Variants in NCKAP5 observed in about 807,000 individuals in gnomAD.
NCKAP5 encodes NCK associated protein 5, also known as nck-associated protein 5.
In NCKAP5, 92 loss-of-function variants were observed where a neutral mutation model predicts 167.0. That is an observed-to-expected ratio of 0.55 (90% CI 0.47 to 0.66). The LOEUF (loss-of-function observed/expected upper bound fraction) is 0.66, where lower values mean the gene tolerates loss of function less well. Ranked by LOEUF, NCKAP5 falls within the 30% of genes least tolerant of loss-of-function variation. The probability of loss-of-function intolerance (pLI) is 0.00; values close to 1 mark genes in which losing one functional copy is unlikely to be tolerated. For synonymous variants in NCKAP5, 891 were observed against 877.4 expected (o/e 1.02, Z -0.27); for missense variants, 2,378 against 2,315.0 (o/e 1.03, Z -0.56).
At chr2:133,156,985 C>A (rs2083599307) in intron 5 of NCKAP5, among the ~76,000 whole-genome samples, 1 of 152,074 alleles carries the variant, frequency 6.6e-6, no homozygotes, top group African/African-American at 2.4e-5. Context: ...TGAATATTTC[C>A]AACTCTGTAT....
rs139613155 is a variant in NCKAP5, at chr2:133,059,404, C to T, written c.342-65165G>A. 1.7e-3 allele frequency among the ~76,000 whole-genome samples: 253 copies of T among 150,440 alleles called. 1 individual carries two copies. Among genetic ancestry groups the T allele is most frequent in the African/African-American group, 5.9e-3 (242 of 40,982 alleles). On this transcript the variant is annotated intron_variant, in intron 6 of 19. Transcript: ENST00000409261. ...TTAAAGTATGTATGGTGGGCCATTACAGTGGCTCATTCCTGTGATCCCAGC... is the reference window on the plus strand; with the variant it reads ...TTAAAGTATGTATGGTGGGCCATTATAGTGGCTCATTCCTGTGATCCCAGC...
intron 6 of NCKAP5, among the ~76,000 whole-genome samples, chr2:133,105,068 C>T (rs1169408367): frequency 6.6e-6 from 1 of 152,226 alleles, no homozygotes; most frequent in Non-Finnish European, 1.5e-5. Flanking sequence ...TATGCAACTA[C>T]TCTGTTTCAC....
intron 4 of NCKAP5, among the ~76,000 whole-genome samples, chr2:133,216,610 T>C (rs973936580): frequency 1.3e-5 from 2 of 152,274 alleles, no homozygotes; most frequent in Non-Finnish European, 2.9e-5. Flanking sequence ...ATCATTTTAA[T>C]TATTAACTAA....
intron 3 of NCKAP5, chr2:133,431,614 C>T (rs561432144): frequency 6.6e-6 from 1 of 152,122 alleles, no homozygotes; most frequent in Non-Finnish European, 1.5e-5. Context: ...GATACTGAGG[C>T]ACAAAGAACC....
In NCKAP5 at chr2:132,784,365, G is replaced by C; in HGVS notation, c.2446C>G (p.Leu816Val). The part of the protein sequence containing the change: ...RGKSSPQKSK[L>V]MEPEATTLLP... ...AGTGTGGTGGCTTCGGGCTCCATTA[G>C]TTTTGATTTCTGAGGTGAAGACTTG... The change falls in exon 14 of 20, where the codon CTA becomes GTA. Residue 816 changes from leucine to valine, a missense_variant. By Grantham distance (32) the Leu-to-Val change is conservative. Transcript: ENST00000409261. 5.0e-6 allele frequency: 8 copies of C among 1,614,002 alleles called. No homozygotes were observed. The highest frequency in any genetic ancestry group is 6.8e-6 in the Non-Finnish European group (8 of 1,179,894).
At chr2:133,633,933 T>C in the NCKAP5 span, among the ~76,000 whole-genome samples, 2 of 152,204 alleles carry the variant, frequency 1.3e-5, no homozygotes, top group African/African-American at 4.8e-5. Context: ...TTGTGTAGTT[T>C]GGCACTCAGA....
At chr2:133,237,475 T>C (rs1166472809) in intron 4 of NCKAP5, among the ~76,000 whole-genome samples, 2 of 152,220 alleles carry the variant, frequency 1.3e-5, no homozygotes, top group African/African-American at 4.8e-5. Flanking sequence ...AAAGCACCCA[T>C]TTACATATGA....
chr2:132,947,328 T>C (rs946985200), intron 8 of NCKAP5, among the ~76,000 whole-genome samples: 2 of 152,188 alleles, frequency 1.3e-5, no homozygotes, highest in East Asian at 3.8e-4. Flanking sequence ...ATAGCTGATT[T>C]AAAAATAAGA....
At chr2:133,639,980 C>T in the NCKAP5 span, among the ~76,000 whole-genome samples, 1 of 152,108 alleles carries the variant, frequency 6.6e-6, no homozygotes, top group African/African-American at 2.4e-5. Context: ...CAGAAGAATA[C>T]ATACTATATA....
chr2:132,781,469 G>A (rs970596663), intron 14 of NCKAP5, among the ~76,000 whole-genome samples: 2 of 152,092 alleles, frequency 1.3e-5, no homozygotes, highest in African/African-American at 4.8e-5. Context: ...GTGGAGAGGG[G>A]CAAAATAAAA....
intron 7 of NCKAP5, among the ~76,000 whole-genome samples, chr2:132,964,133 T>C (rs1172969927): frequency 1.3e-5 from 2 of 152,168 alleles, no homozygotes; most frequent in African/African-American, 4.8e-5. Flanking sequence ...AGCAAAGCCA[T>C]AGGTGGAGTC....
intron 8 of NCKAP5, among the ~76,000 whole-genome samples, chr2:132,892,191 C>T (rs868726738): frequency 6.6e-6 from 1 of 152,244 alleles, no homozygotes; most frequent in Middle Eastern, 3.4e-3. Context: ...AGCGTCAGGT[C>T]CTGATTCTTT....
rs959033811 is a variant in NCKAP5, at chr2:133,278,882, C to T, written c.143+24155G>A. On this transcript the variant is annotated intron_variant, in intron 4 of 19. Coordinates refer to ENST00000409261, the MANE Select transcript of NCKAP5 (RefSeq NM_207363.3). ...TGGGCAAACAATTCACAAAACGACA[C>T]GCAAGTGGCCTTTAAACATAGGAAG... Among the ~76,000 whole-genome samples, 34 of 151,316 alleles carry T rather than the reference C, an allele frequency of 2.2e-4. 1 individual carries two copies. Among genetic ancestry groups the T allele is most frequent in the Admixed American group, 2.0e-3 (31 of 15,200 alleles).
intron 8 of NCKAP5, among the ~76,000 whole-genome samples, chr2:132,947,979 G>T (rs57421240): frequency 0.021 from 3,180 of 152,242 alleles, 114 homozygotes; most frequent in East Asian, 0.16. Context: ...CCTGACCTGA[G>T]ATGAATGGGG....
chr2:133,048,963 CT>C (rs1431398312), intron 6 of NCKAP5, among the ~76,000 whole-genome samples: 1 of 152,148 alleles, frequency 6.6e-6, no homozygotes, highest in Non-Finnish European at 1.5e-5. Flanking sequence ...AAATCTCATG[CT>C]CTTTTCTGGA....
At chr2:133,026,378 GT>G (rs34476973) in intron 6 of NCKAP5, among the ~76,000 whole-genome samples, 59,611 of 143,894 alleles carry the variant, frequency 0.41, 12,188 homozygotes, top group African/African-American at 0.44. Flanking sequence ...CTGTTCTAGT[GT>G]TTTTTTTTTT....
intron 19 of NCKAP5, among the ~76,000 whole-genome samples, chr2:132,703,293 T>A (rs1688052499): frequency 6.6e-6 from 1 of 152,208 alleles, no homozygotes; most frequent in South Asian, 2.1e-4. Context: ...AAACAAACGC[T>A]CTTCTTTTCA....
intron 2 of NCKAP5, among the ~76,000 whole-genome samples, chr2:133,522,603 T>G: frequency 6.6e-6 from 1 of 152,212 alleles, no homozygotes; most frequent in East Asian, 1.9e-4. Context: ...ATTTGTTGCT[T>G]GCATAAATAA....
At position 133,360,047 on chromosome 2, in the gene NCKAP5, T is replaced by C. The variant is rs902043608; in HGVS notation, c.70-56937A>G. On this transcript the variant is annotated intron_variant, in intron 3 of 19. Transcript: ENST00000409261. ...CAAAGTCATGATTTTATACCTCTCT[T>C]GTCTGACCGCCCCACCACCAGCCTA... Among the ~76,000 whole-genome samples the C allele has an allele frequency of 6.6e-5, 10 of 152,146 alleles. No homozygotes were observed. The South Asian group carries it at 8.3e-4, about 13-fold the overall frequency.
Sources: allele counts gnomAD v4.1 joint callset (sites outside exome capture counted in the v4.1 genomes callset), GRCh38; gene constraint gnomAD v4.1.1; transcripts MANE v1.5; gene names NCBI Gene and HGNC (gene_info 2026-07-23, HGNC 2026-07-21).